MRGPRX3: variants seen among roughly 807,000 people sequenced by gnomAD.
MRGPRX3 encodes the protein MAS related GPR family member X3.
In MRGPRX3, 14 loss-of-function variants were observed where a neutral mutation model predicts 16.5. The ratio of observed to expected loss-of-function variants is 0.85; its 90% CI spans 0.56 to 1.33. The LOEUF is 1.33. Among genes scored for constraint, MRGPRX3 ranks in the 40% most tolerant of loss-of-function variants. MRGPRX3 has a pLI of 0.00. For missense variants in MRGPRX3, 449 were observed against 413.0 expected (o/e 1.09, Z -0.76); for synonymous variants, 199 against 180.1 (o/e 1.10, Z -0.84).
chr11:18,138,117 A>C lies in MRGPRX3; in HGVS notation c.915A>C (p.Gly305=), dbSNP rs1849032506. ...ACACGCCTGAGGTGGATGAAGGTGG[A>C]GGGTGGCTTCCTCAGGAAACCCTGG... ...LQDTPEVDEG[G]GWLPQETLEL... is the part of the protein sequence containing the mutation. The change falls in exon 2 of 2, where the codon GGA becomes GGC. Residue 305 remains glycine, a synonymous_variant. Coordinates refer to ENST00000621697, the MANE Select transcript of MRGPRX3 (RefSeq NM_001370464.1). 1 of 1,613,912 alleles carries C rather than the reference A, an allele frequency of 6.2e-7. No individual in the cohort carries two copies. The highest frequency in any genetic ancestry group is 8.5e-7 in the Non-Finnish European group (1 of 1,180,014).
At chr11:18,127,318 G>A (rs1285683783) in intron 1 of MRGPRX3, among the ~76,000 whole-genome samples, 1 of 152,174 alleles carries the variant, frequency 6.6e-6, no homozygotes, top group African/African-American at 2.4e-5. Flanking sequence ...ATGTTGGCCT[G>A]CCTTGCTAGA....
chr11:18,137,129 A>C, intron 1 of MRGPRX3, 49 bp from the exon 2 acceptor site: 5 of 1,508,830 alleles, frequency 3.3e-6, no homozygotes, highest in Non-Finnish European at 4.5e-6. Flanking sequence ...GGTGGTGGGG[A>C]GAATCAGAGA....
Position 18,137,600 on chromosome 11 carries a change from G to T in MRGPRX3, c.398G>T (p.Arg133Leu), listed in dbSNP as rs745401955. The change falls in exon 2 of 2, where the codon CGC becomes CTC. Residue 133 changes from arginine (R) to leucine (L), a missense_variant. Coordinates refer to ENST00000621697, the MANE Select transcript of MRGPRX3 (RefSeq NM_001370464.1). ...SILWPIWYHC[R>L]RPRYLSSVMC... The stretch of plus-strand genomic sequence containing the variant: ...CTGTGGCCCATCTGGTACCACTGCC[G>T]CCGCCCCAGATACCTGTCATCAGTC... The T allele has an allele frequency of 6.2e-7, 1 of 1,614,092 alleles. No homozygotes were observed. Among genetic ancestry groups the T allele is most frequent in the South Asian group, 1.1e-5 (1 of 91,056 alleles).
intron 1 of MRGPRX3, among the ~76,000 whole-genome samples, chr11:18,122,078 G>A (rs1219768961): frequency 2.6e-4 from 39 of 148,138 alleles, no homozygotes; most frequent in African/African-American, 9.4e-4. Context: ...AGAAATAACT[G>A]TTGCAAGGAT....
chr11:18,137,424 C>T lies in MRGPRX3; in HGVS notation c.222C>T (p.Leu74=), dbSNP rs753263184. ...YILNLVAADF[L]FLSGHIICSP... is the part of the protein sequence containing the mutation. The stretch of plus-strand genomic sequence containing the variant: ...TCAACCTGGTCGCGGCCGACTTCCT[C>T]TTCCTTAGCGGCCACATTATATGTT... The change falls in exon 2 of 2, where the codon CTC becomes CTT. Residue 74 remains leucine (L), a synonymous_variant. Coordinates refer to ENST00000621697, the MANE Select transcript of MRGPRX3 (RefSeq NM_001370464.1). 3.1e-5 allele frequency: 50 copies of T among 1,614,100 alleles called. No homozygotes were observed. Among genetic ancestry groups the T allele is most frequent in the Non-Finnish European group, 4.0e-5 (47 of 1,180,060 alleles).
chr11:18,134,948 T>C (rs1848995134), intron 1 of MRGPRX3, among the ~76,000 whole-genome samples: 1 of 152,160 alleles, frequency 6.6e-6, no homozygotes, highest in African/African-American at 2.4e-5. Flanking sequence ...AAAGGAAATC[T>C]TGGGGCAACC....
chr11:18,127,733 G>A (rs890295523), upstream of MRGPRX3, among the ~76,000 whole-genome samples: 20 of 152,110 alleles, frequency 1.3e-4, no homozygotes, highest in African/African-American at 4.3e-4. Flanking sequence ...CCTTTAGCTC[G>A]GAGTAGTTTG....
chr11:18,137,071 T>C (rs1849013350), intron 1 of MRGPRX3, 107 bp from the exon 2 acceptor site: 3 of 1,185,384 alleles, frequency 2.5e-6, no homozygotes, highest in Admixed American at 2.3e-5. Context: ...TCTCTGCGAG[T>C]CTCTGATCTC....
chr11:18,124,948 T>C (rs951132395), intron 1 of MRGPRX3, among the ~76,000 whole-genome samples: 1 of 152,250 alleles, frequency 6.6e-6, no homozygotes, highest in African/African-American at 2.4e-5. Context: ...TTTATCCATT[T>C]CTTCTAGATT....
chr11:18,130,573 T>C (rs1848950819), upstream of MRGPRX3, among the ~76,000 whole-genome samples: 2 of 152,060 alleles, frequency 1.3e-5, no homozygotes, highest in Non-Finnish European at 2.9e-5. Flanking sequence ...AGAATCAATA[T>C]TGTGAAAATG....
At chr11:18,126,091 A>T (rs1848892472) in intron 1 of MRGPRX3, among the ~76,000 whole-genome samples, 1 of 152,126 alleles carries the variant, frequency 6.6e-6, no homozygotes, top group South Asian at 2.1e-4. Flanking sequence ...GTGTCTCTGC[A>T]CATTGAGATG....
intron 1 of MRGPRX3, among the ~76,000 whole-genome samples, chr11:18,124,636 G>C (rs58377555): frequency 0.021 from 3,163 of 152,114 alleles, 105 homozygotes; most frequent in African/African-American, 0.072. Context: ...CAGGGATATT[G>C]GTCTAAAATT....
In MRGPRX3 at chr11:18,137,069, A is replaced by T; in HGVS notation, c.-25-109A>T. ...TTTGATAGGTGACTTATTCTCTGCG[A>T]GTCTCTGATCTCTCCTCTTTAAATG... On this transcript the variant is annotated intron_variant, in intron 1 of 1. Coordinates refer to ENST00000621697, the MANE Select transcript of MRGPRX3 (RefSeq NM_001370464.1). 2.6e-6 allele frequency: 3 copies of T among 1,168,796 alleles called. No individual in the cohort carries two copies. In the East Asian group the frequency reaches 7.1e-5, roughly 28 times the overall value. 72.4% of individuals were successfully genotyped at this position (1,168,796 alleles called of 1,614,324 possible).
chr11:18,138,006 C>A lies in MRGPRX3; in HGVS notation c.804C>A (p.Asn268Lys), dbSNP rs759411742. Reference protein sequence around the residue: ...IFLSALNSSANPIIYFFVGSF... With the variant: ...IFLSALNSSAKPIIYFFVGSF... The stretch of plus-strand genomic sequence containing the variant: ...TGTCCGCTCTTAACAGCAGTGCCAA[C>A]CCCATCATTTACTTCTTCGTGGGCT... The change falls in exon 2 of 2, where the codon AAC (asparagine) becomes AAA (lysine). Residue 268 changes from asparagine to lysine, a missense_variant. Transcript: ENST00000621697. 2.0e-5 allele frequency: 32 copies of A among 1,614,064 alleles called. No individual in the cohort carries two copies. Among genetic ancestry groups the A allele is most frequent in the Non-Finnish European group, 2.5e-5 (29 of 1,180,040 alleles).
In MRGPRX3 at chr11:18,137,532, A is replaced by C. The variant is rs1458718570; in HGVS notation, c.330A>C (p.Leu110=). ...PVMTFPYFIG[L]SMLSAISTER... is the part of the protein sequence containing the mutation. Reference sequence around the variant, plus strand: ...TGACCTTTCCCTACTTTATAGGCCTAAGCATGCTGAGCGCCATCAGCACCG... The same window carrying C: ...TGACCTTTCCCTACTTTATAGGCCTCAGCATGCTGAGCGCCATCAGCACCG... Residue 110 remains leucine, a synonymous_variant, in exon 2 of 2, where the codon CTA becomes CTC. Transcript: ENST00000621697. 2 of 1,613,922 alleles carry C rather than the reference A, an allele frequency of 1.2e-6. No individual in the cohort carries two copies. Among genetic ancestry groups the C allele is most frequent in the Non-Finnish European group, 1.7e-6 (2 of 1,180,012 alleles).
intron 1 of MRGPRX3, among the ~76,000 whole-genome samples, chr11:18,136,770 A>T (rs79335052): frequency 0.051 from 7,717 of 152,198 alleles, 650 homozygotes; most frequent in African/African-American, 0.18. Flanking sequence ...CTGGTTCATA[A>T]TGCATGATCT....
At chr11:18,129,674 G>T (rs1848940660), upstream of MRGPRX3, among the ~76,000 whole-genome samples, 1 of 152,136 alleles carries the variant, frequency 6.6e-6, no homozygotes, top group Admixed American at 6.5e-5. Context: ...CCTGCCTAAA[G>T]CATTGTATGA....
At chr11:18,136,905 G>A (rs575950170) in intron 1 of MRGPRX3, among the ~76,000 whole-genome samples, 1 of 152,278 alleles carries the variant, frequency 6.6e-6, no homozygotes, top group Non-Finnish European at 1.5e-5. Context: ...CGGGTCCACA[G>A]CACTGGCTAG....
chr11:18,121,989 T>C (rs1011607185), intron 1 of MRGPRX3, among the ~76,000 whole-genome samples: 19 of 122,844 alleles, frequency 1.5e-4, no homozygotes, highest in Non-Finnish European at 1.5e-4. Flanking sequence ...CACCCAAGAA[T>C]GATCAATAAA....
Sources: gnomAD v4.1 joint callset for allele counts (sites outside exome capture counted in the v4.1 genomes callset) on GRCh38, gnomAD v4.1.1 for gene constraint, MANE v1.5 for transcripts, NCBI Gene and HGNC (gene_info 2026-07-23, HGNC 2026-07-21) for gene names.